The following WWOX variants were observed in gnomAD, a reference collection of about 807,000 sequenced individuals.
The protein encoded by WWOX is WW domain-containing oxidoreductase.
In WWOX, 69 loss-of-function variants were observed where a neutral mutation model predicts 46.2. The observed-to-expected ratio is 1.49, with a 90% CI of 1.23 to 1.82. The LOEUF is 1.82. Ranked by LOEUF, WWOX falls within the 40% of genes most tolerant of loss-of-function variation. WWOX has a pLI of 0.00. For synonymous variants in WWOX, 359 were observed against 202.6 expected, an observed-to-expected ratio of 1.77 and a Z score of -6.56; for missense variants, 919 against 542.6, an observed-to-expected ratio of 1.69 and a Z score of -6.89.
At chr16:78,143,140 T>A (rs148639294) in intron 4 of WWOX, among the ~76,000 whole-genome samples, 1 of 152,338 alleles carries the variant, frequency 6.6e-6, no homozygotes, top group East Asian at 1.9e-4. Flanking sequence ...AACTGTGTAA[T>A]AAGATTTTGA....
intron 5 of WWOX, chr16:78,355,629 A>G (rs529914981): frequency 3.3e-6 from 2 of 598,336 alleles, no homozygotes; most frequent in Admixed American, 4.0e-5. Flanking sequence ...AAAATGAGAA[A>G]CGACCGAGAG....
intron 8 of WWOX, among the ~76,000 whole-genome samples, chr16:78,949,896 G>A (rs955641486): frequency 1.4e-4 from 21 of 152,188 alleles, no homozygotes; most frequent in Non-Finnish European, 3.1e-4. Context: ...CTTAATAGTA[G>A]CAGCAGTATT....
chr16:78,625,405 A>G (rs530581726), intron 8 of WWOX, among the ~76,000 whole-genome samples: 3 of 152,160 alleles, frequency 2.0e-5, no homozygotes, highest in Non-Finnish European at 4.4e-5. Context: ...ACCTACTACT[A>G]GAATGCCATA....
rs138210891 is a variant in WWOX at position 78,486,491 on chromosome 16, G to A, written c.1056+53739G>A. Among the ~76,000 whole-genome samples, 1,078 of 152,272 alleles carry A rather than the reference G, an allele frequency of 7.1e-3. 4 individuals are homozygous for A. The highest frequency in any genetic ancestry group is 0.011 in the Non-Finnish European group (758 of 68,024). ...AGGTCTTAAAGTTCCTGATAGTTTA[G>A]CAGTGTGCTCTCTTAAGCCAGTCGG... is the stretch of plus-strand genomic sequence containing the variant. On this transcript the variant is annotated intron_variant, in intron 8 of 8. Transcript: ENST00000566780.
chr16:79,029,985 C>T (rs2047721589), intron 8 of WWOX, among the ~76,000 whole-genome samples: 1 of 152,148 alleles, frequency 6.6e-6, no homozygotes. Context: ...GGTAGGTAAG[C>T]CAACCGCTAT....
chr16:78,772,118 T>C (rs2050078832), intron 8 of WWOX, among the ~76,000 whole-genome samples: 1 of 152,208 alleles, frequency 6.6e-6, no homozygotes. Flanking sequence ...CAAAGGTTTG[T>C]TGAACAGATT....
At chr16:79,010,454 C>T (rs1245256907) in intron 8 of WWOX, among the ~76,000 whole-genome samples, 4 of 152,140 alleles carry the variant, frequency 2.6e-5, no homozygotes, top group Admixed American at 2.0e-4. Flanking sequence ...GGCAGGGCAT[C>T]CCTGACCAAT....
At chr16:78,808,842 A>G (rs2051110450) in intron 8 of WWOX, among the ~76,000 whole-genome samples, 1 of 152,022 alleles carries the variant, frequency 6.6e-6, no homozygotes, top group African/African-American at 2.4e-5. Context: ...ATCAACCTCT[A>G]CGGCTGCCCC....
At chr16:78,558,351 T>C (rs900623850) in intron 8 of WWOX, among the ~76,000 whole-genome samples, 1 of 152,268 alleles carries the variant, frequency 6.6e-6, no homozygotes, top group African/African-American at 2.4e-5. Context: ...GTTTTGGATT[T>C]TTTAATGAAA....
intron 8 of WWOX, among the ~76,000 whole-genome samples, chr16:79,070,183 T>C (rs549101426): frequency 1.3e-5 from 2 of 152,288 alleles, no homozygotes; most frequent in South Asian, 2.1e-4. Flanking sequence ...CAGTGCCTAA[T>C]GTTTATAAAA....
chr16:78,452,543 T>C (rs574863039), intron 8 of WWOX, among the ~76,000 whole-genome samples: 1 of 149,052 alleles, frequency 6.7e-6, no homozygotes, highest in East Asian at 2.0e-4. Flanking sequence ...GTGGCGGATC[T>C]TGGCTCATTG....
intron 4 of WWOX, among the ~76,000 whole-genome samples, chr16:78,138,644 A>C (rs544195831): frequency 1.3e-5 from 2 of 152,182 alleles, no homozygotes; most frequent in Non-Finnish European, 2.9e-5. Context: ...TCCTTTCTGC[A>C]TGGTCATAAA....
At chr16:78,334,460 A>G (rs1003365211) in intron 5 of WWOX, among the ~76,000 whole-genome samples, 2 of 152,230 alleles carry the variant, frequency 1.3e-5, no homozygotes, top group African/African-American at 2.4e-5. Context: ...AGATACAGCA[A>G]GCACTTTCGG....
chr16:79,128,614 A>C (rs1247669327), intron 8 of WWOX, among the ~76,000 whole-genome samples: 1 of 152,082 alleles, frequency 6.6e-6, no homozygotes, highest in East Asian at 1.9e-4. Context: ...GCAGTGGCAC[A>C]GAAGGGTCTG....
chr16:78,645,050 G>A (rs1327557674), intron 8 of WWOX, among the ~76,000 whole-genome samples: 1 of 152,304 alleles, frequency 6.6e-6, no homozygotes, highest in African/African-American at 2.4e-5. Context: ...AAGTTGGGTT[G>A]CATTGCATAG....
chr16:78,618,205 T>G (rs2046077417), intron 8 of WWOX, among the ~76,000 whole-genome samples: 1 of 152,200 alleles, frequency 6.6e-6, no homozygotes, highest in Non-Finnish European at 1.5e-5. Context: ...CTAAAGTCCT[T>G]GCTCTCCAAC....
intron 8 of WWOX, among the ~76,000 whole-genome samples, chr16:78,698,275 A>G (rs747952186): frequency 5.3e-5 from 8 of 152,312 alleles, no homozygotes; most frequent in Non-Finnish European, 7.3e-5. Flanking sequence ...AGTACTTTCA[A>G]TTAGGTTTAC....
At chr16:79,178,118 T>A (rs948948597) in intron 8 of WWOX, among the ~76,000 whole-genome samples, 1 of 152,192 alleles carries the variant, frequency 6.6e-6, no homozygotes, top group South Asian at 2.1e-4. Context: ...TATTATCACA[T>A]TGGAGATTCC....
intron 5 of WWOX, among the ~76,000 whole-genome samples, chr16:78,365,617 G>C (rs2081519019): frequency 6.6e-6 from 1 of 152,218 alleles, no homozygotes; most frequent in African/African-American, 2.4e-5. Context: ...ACATTATGAA[G>C]TGGCTCTATA....
Sources: gnomAD v4.1 joint callset for allele counts (sites outside exome capture counted in the v4.1 genomes callset) on GRCh38, gnomAD v4.1.1 for gene constraint, MANE v1.5 for transcripts, NCBI Gene and HGNC (gene_info 2026-07-23, HGNC 2026-07-21) for gene names.